The following SEC23A variants were observed in gnomAD, a reference collection of about 807,000 sequenced individuals.
SEC23A encodes the protein SEC23 homolog A, COPII component.
In SEC23A, 56 loss-of-function variants were observed where a neutral mutation model predicts 103.7. The ratio of observed to expected loss-of-function variants is 0.54; its 90% CI spans 0.44 to 0.67. SEC23A has a LOEUF of 0.67. Ranked by LOEUF, SEC23A falls within the 30% of genes least tolerant of loss-of-function variation. SEC23A has a pLI of 0.00. For synonymous variants in SEC23A, 281 were observed against 293.0 expected (o/e 0.96, Z 0.42); for missense variants, 784 against 936.4 (o/e 0.84, Z 2.12).
intron 15 of SEC23A, among the ~76,000 whole-genome samples, chr14:39,046,257 T>C (rs760787784): frequency 3.3e-5 from 5 of 152,034 alleles, no homozygotes; most frequent in Middle Eastern, 3.2e-3. Context: ...TCACCTGAGG[T>C]TGGGAGTTCA....
chr14:39,074,342 C>A, intron 9 of SEC23A, 73 bp downstream of exon 9: 1 of 952,160 alleles, frequency 1.1e-6, no homozygotes, highest in Non-Finnish European at 1.7e-6. Flanking sequence ...CCTAAATGGT[C>A]ATTATTGGTT....
chr14:39,088,139 G>A (rs902520367), intron 5 of SEC23A: 1 of 152,164 alleles, frequency 6.6e-6, no homozygotes, highest in African/African-American at 2.4e-5. Flanking sequence ...AACCAGAAGA[G>A]TTTAAGATTT....
rs115987173 is a variant in SEC23A, at chr14:39,079,421, C to T, written c.829-3328G>A. On this transcript the variant is annotated intron_variant, in intron 7 of 19. Transcript: ENST00000307712. Reference sequence around the variant, plus strand: ...TCATATTAGAAAGGCTATTTTATCTCTAATTTCTATAAGTGGTTATTGGAC... The same window carrying T: ...TCATATTAGAAAGGCTATTTTATCTTTAATTTCTATAAGTGGTTATTGGAC... 8.8e-3 allele frequency among the ~76,000 whole-genome samples: 1,338 copies of T among 152,232 alleles called. 22 individuals are homozygous for T. Among genetic ancestry groups the T allele is most frequent in the African/African-American group, 0.031 (1,269 of 41,528 alleles).
At chr14:39,045,402 AT>A in intron 15 of SEC23A, 78 bp from the exon 16 acceptor site, 1 of 994,130 alleles carries the variant, frequency 1.0e-6, no homozygotes, top group Non-Finnish European at 1.5e-6. Context: ...AAAATATTTG[AT>A]TACAAACTAT....
intron 19 of SEC23A, among the ~76,000 whole-genome samples, chr14:39,037,794 T>A (rs1490633463): frequency 6.6e-6 from 1 of 152,262 alleles, no homozygotes; most frequent in Non-Finnish European, 1.5e-5. Flanking sequence ...TTGTGCATAG[T>A]TGCCATGCCC....
At chr14:39,047,418 G>C in intron 15 of SEC23A, 1 of 1,288,600 alleles carries the variant, frequency 7.8e-7, no homozygotes, top group Non-Finnish European at 1.0e-6. Flanking sequence ...TCTCACCAGA[G>C]GTTTTAGGGA....
At chr14:39,041,360 TTAAC>T (rs2139186401) in intron 17 of SEC23A, 1 of 132,152 alleles carries the variant, frequency 7.6e-6, no homozygotes, top group South Asian at 2.6e-4. Context: ...GATTTCTCCT[TTAAC>T]AAGCTACTTG....
intron 7 of SEC23A, among the ~76,000 whole-genome samples, chr14:39,081,552 T>C (rs959923749): frequency 6.6e-6 from 1 of 152,234 alleles, no homozygotes. Context: ...CTCTAACTCC[T>C]AAGCTTCTTT....
At chr14:39,047,596 CAA>C (rs1885888357) in intron 15 of SEC23A, among the ~76,000 whole-genome samples, 1 of 152,082 alleles carries the variant, frequency 6.6e-6, no homozygotes. Flanking sequence ...TTCCACATCT[CAA>C]TATTAATCAT....
intron 2 of SEC23A, chr14:39,095,161 G>A (rs1478644469): frequency 5.6e-6 from 3 of 537,318 alleles, no homozygotes; most frequent in South Asian, 5.5e-5. Context: ...ATGTTCTAGA[G>A]GTAGATCACC....
intron 17 of SEC23A, 196 bp from the exon 18 acceptor site, chr14:39,041,083 CT>C: frequency 1.8e-6 from 1 of 547,560 alleles, no homozygotes; most frequent in Non-Finnish European, 2.9e-6. Context: ...ATTTCTTCTC[CT>C]TTAAAAGTAA....
chr14:39,034,346 TA>T (rs1263891027), intron 19 of SEC23A, among the ~76,000 whole-genome samples: 3 of 152,248 alleles, frequency 2.0e-5, no homozygotes, highest in Non-Finnish European at 1.5e-5. Flanking sequence ...TTGTAATGAT[TA>T]AATGAGTTAA....
chr14:39,073,607 T>G (rs1053738903), intron 9 of SEC23A, among the ~76,000 whole-genome samples: 3 of 137,768 alleles, frequency 2.2e-5, no homozygotes, highest in African/African-American at 8.1e-5. Flanking sequence ...ATTCCTCTTT[T>G]TTTTTTTTTT....
intron 2 of SEC23A, 124 bp downstream of exon 2, chr14:39,095,774 G>C: frequency 1.3e-6 from 1 of 760,388 alleles, no homozygotes; most frequent in Non-Finnish European, 2.2e-6. Context: ...GGATTGTTTT[G>C]ACTGTCCTAA....
Position 39,085,890 on chromosome 14 carries a change from G to A in SEC23A, c.700C>T (p.Gln234Ter), listed in dbSNP as rs752855304. The A allele has an allele frequency of 6.2e-7, 1 of 1,613,174 alleles. No individual in the cohort carries two copies. Among genetic ancestry groups the A allele is most frequent in the South Asian group, 1.1e-5 (1 of 91,066 alleles). Residue 234 changes from glutamine (Q) to a stop codon, truncating the protein, a stop_gained, in exon 7 of 20, where the codon CAG (glutamine) becomes TAG (stop). Coordinates refer to ENST00000307712, the MANE Select transcript of SEC23A (RefSeq NM_006364.4). LOFTEE classifies it high-confidence loss of function. ...PPSNRFLQPVQKIDMNLTDLL... is the reference protein window; with the variant it reads ...PPSNRFLQPV ...TCTGTGAGATTCATGTCTATTTTCT[G>A]TACTGGTTGTAAGAATCTAAGAAAC... is the stretch of plus-strand genomic sequence containing the variant.
chr14:39,070,438 T>G (rs1886806988), intron 9 of SEC23A, among the ~76,000 whole-genome samples: 1 of 152,100 alleles, frequency 6.6e-6, no homozygotes, highest in South Asian at 2.1e-4. Flanking sequence ...GGCCAGTATC[T>G]CCTATGAAGA....
intron 8 of SEC23A, among the ~76,000 whole-genome samples, chr14:39,075,175 C>T (rs1886974320): frequency 6.6e-6 from 1 of 151,978 alleles, no homozygotes; most frequent in African/African-American, 2.4e-5. Context: ...GTAACAAAAA[C>T]ATCCAAAAAT....
chr14:39,045,181 A>G lies in SEC23A; in HGVS notation c.1881T>C (p.Ser627=), dbSNP rs766611394. 51 of 1,613,596 alleles carry G rather than the reference A, an allele frequency of 3.2e-5. No individual in the cohort carries two copies. The highest frequency in any genetic ancestry group is 4.2e-5 in the Non-Finnish European group (49 of 1,179,790). Residue 627 remains serine (S), a synonymous_variant, in exon 16 of 20, where the codon TCT becomes TCC. Coordinates refer to ENST00000307712, the MANE Select transcript of SEC23A (RefSeq NM_006364.4). ...CTCTTACCTCTGGTGGTCCACTAAA[A>G]GAATACGCATACAGGATAGGCTGAA... The part of the protein sequence containing the change: ...IMIQPILYAY[S]FSGPPEPVLL...
rs535262214 is a variant in SEC23A, at chr14:39,084,874, T to C, written c.828+888A>G. Among the ~76,000 whole-genome samples, 280 of 152,278 alleles carry C rather than the reference T, an allele frequency of 1.8e-3. 1 individual carries two copies. Among genetic ancestry groups the C allele is most frequent in the African/African-American group, 6.4e-3 (265 of 41,536 alleles). ...TTGGCAGAGATGGGGTTTTGCCATATTGGCCGTGCTAGTCTCGAACTCCAG... is the reference window on the plus strand; with the variant it reads ...TTGGCAGAGATGGGGTTTTGCCATACTGGCCGTGCTAGTCTCGAACTCCAG... On this transcript the variant is annotated intron_variant, in intron 7 of 19. Transcript: ENST00000307712.
Sources: allele counts gnomAD v4.1 joint callset (sites outside exome capture counted in the v4.1 genomes callset), GRCh38; gene constraint gnomAD v4.1.1; transcripts MANE v1.5; gene names NCBI Gene and HGNC (gene_info 2026-07-23, HGNC 2026-07-21).